LPP: variants seen among roughly 807,000 people sequenced by gnomAD.
The protein encoded by LPP is LIM domain containing preferred translocation partner in lipoma.
In LPP, 38 loss-of-function variants were observed where a neutral mutation model predicts 60.4. The ratio of observed to expected loss-of-function variants is 0.63; its 90% CI spans 0.49 to 0.83. The LOEUF (loss-of-function observed/expected upper bound fraction) is 0.83, where lower values mean the gene tolerates loss of function less well. LPP is among the 40% of genes least tolerant of loss of function. The pLI is 0.00. For missense variants in LPP, 902 were observed against 783.6 expected, an observed-to-expected ratio of 1.15 and a Z score of -1.80; for synonymous variants, 328 against 290.8, an observed-to-expected ratio of 1.13 and a Z score of -1.30.
chr3:188,261,150 C>T (rs868338414), intron 2 of LPP, among the ~76,000 whole-genome samples: 10 of 152,230 alleles, frequency 6.6e-5, no homozygotes, highest in Admixed American at 1.3e-4. Flanking sequence ...AATAATCTTA[C>T]TAGATTGTTT....
intron 5 of LPP, among the ~76,000 whole-genome samples, chr3:188,520,678 C>T (rs556580422): frequency 2.6e-5 from 4 of 152,326 alleles, no homozygotes; most frequent in African/African-American, 9.6e-5. Flanking sequence ...GCTTTTCTCA[C>T]AGGCATTGTT....
chr3:188,202,231 G>C (rs1320307033), intron 1 of LPP, among the ~76,000 whole-genome samples: 1 of 152,130 alleles, frequency 6.6e-6, no homozygotes, highest in Non-Finnish European at 1.5e-5. Flanking sequence ...GCCTCAAACT[G>C]TAGTTTACAG....
chr3:188,759,180 T>C (rs1731322909), intron 8 of LPP: 1 of 152,206 alleles, frequency 6.6e-6, no homozygotes, highest in African/African-American at 2.4e-5. Context: ...CTGACATAAC[T>C]ATTTGTCTGA....
At chr3:188,480,009 C>G (rs1338738258) in intron 4 of LPP, among the ~76,000 whole-genome samples, 3 of 152,176 alleles carry the variant, frequency 2.0e-5, no homozygotes, top group African/African-American at 4.8e-5. Flanking sequence ...TAGGTAGATG[C>G]CTTTCGTATC....
intron 7 of LPP, among the ~76,000 whole-genome samples, chr3:188,615,734 G>C (rs1238909156): frequency 2.0e-5 from 3 of 151,982 alleles, no homozygotes; most frequent in Non-Finnish European, 4.4e-5. Context: ...GAGAAAAAGA[G>C]AGCAGCATCT....
chr3:188,276,954 A>G (rs1391713089), intron 2 of LPP, among the ~76,000 whole-genome samples: 1 of 112,614 alleles, frequency 8.9e-6, no homozygotes, highest in Non-Finnish European at 1.6e-5. Flanking sequence ...CCCAGGCTGG[A>G]GTATAGTGGC....
At chr3:188,166,362 A>G (rs972137085) in intron 1 of LPP, among the ~76,000 whole-genome samples, 2 of 152,134 alleles carry the variant, frequency 1.3e-5, no homozygotes, top group African/African-American at 4.8e-5. Flanking sequence ...GTAGTGATGG[A>G]ACAACCATTT....
intron 10 of LPP, 118 bp downstream of exon 10, chr3:188,866,496 A>C: frequency 1.2e-6 from 1 of 839,466 alleles, no homozygotes; most frequent in Admixed American, 4.2e-5. Flanking sequence ...GGATTTAGTG[A>C]GGCTTTTAAA....
At chr3:188,437,867 T>C (rs971460832) in intron 4 of LPP, among the ~76,000 whole-genome samples, 6 of 152,238 alleles carry the variant, frequency 3.9e-5, no homozygotes, top group Non-Finnish European at 8.8e-5. Context: ...TACTAGCTTC[T>C]ATGAATTGGT....
At chr3:188,871,164 G>A (rs956713853) in intron 10 of LPP, among the ~76,000 whole-genome samples, 1 of 152,180 alleles carries the variant, frequency 6.6e-6, no homozygotes, top group Non-Finnish European at 1.5e-5. Flanking sequence ...GGAAATTGGA[G>A]AAGGCTTATG....
intron 4 of LPP, among the ~76,000 whole-genome samples, chr3:188,444,307 G>A (rs905343614): frequency 4.8e-5 from 7 of 146,122 alleles, no homozygotes; most frequent in Non-Finnish European, 9.0e-5. Flanking sequence ...AGGATAAGAG[G>A]TATGTATAAA....
At chr3:188,195,215 C>T (rs552908581) in intron 1 of LPP, among the ~76,000 whole-genome samples, 44 of 151,180 alleles carry the variant, frequency 2.9e-4, no homozygotes, top group African/African-American at 1.0e-3. Flanking sequence ...GCTGAGATTG[C>T]GCCATTGCAC....
chr3:188,393,172 GATTT>G (rs1049818952), intron 3 of LPP, among the ~76,000 whole-genome samples: 1 of 151,654 alleles, frequency 6.6e-6, no homozygotes, highest in African/African-American at 2.4e-5. Flanking sequence ...AAACACTCTT[GATTT>G]ATTTTTATTT....
At chr3:188,353,961 CT>C (rs59069190) in intron 3 of LPP, among the ~76,000 whole-genome samples, 7,142 of 145,120 alleles carry the variant, frequency 0.049, 242 homozygotes, top group East Asian at 0.21. Flanking sequence ...AACTAGACCA[CT>C]TTTTTTTTTT....
chr3:188,400,284 G>A (rs1281190574), intron 3 of LPP, among the ~76,000 whole-genome samples: 1 of 152,168 alleles, frequency 6.6e-6, no homozygotes, highest in Non-Finnish European at 1.5e-5. Context: ...GAAGACCGGA[G>A]ATTTGGAGTT....
chr3:188,764,024 T>TA (rs1373230332), intron 9 of LPP, among the ~76,000 whole-genome samples: 1 of 152,168 alleles, frequency 6.6e-6, no homozygotes, highest in African/African-American at 2.4e-5. Flanking sequence ...ACTAATTTAA[T>TA]AAGCACATTA....
intron 3 of LPP, among the ~76,000 whole-genome samples, chr3:188,399,937 G>T (rs1781855657): frequency 6.6e-6 from 1 of 152,210 alleles, no homozygotes; most frequent in Non-Finnish European, 1.5e-5. Context: ...CCTGAGAGAG[G>T]CTTAGTAGCT....
Position 188,879,549 on chromosome 3 carries a change from T to C in LPP, c.*5070T>C. ...GAATTTTCATCAGGGACTGAGGTCA[T>C]AGATTCTTGGAAAATTCATTTGTGA... On this transcript the variant is annotated 3_prime_UTR_variant, in exon 12 of 12. Transcript: ENST00000617246. 5.2e-6 allele frequency: 1 copy of C among 193,324 alleles called. No individual in the cohort carries two copies. Among genetic ancestry groups the C allele is most frequent in the East Asian group, 8.1e-5 (1 of 12,348 alleles). The allele number at this position is 193,324 out of a possible 1,614,324, so 12.0% of individuals were successfully genotyped here.
intron 3 of LPP, among the ~76,000 whole-genome samples, chr3:188,362,687 G>C (rs1313309327): frequency 2.0e-5 from 3 of 152,238 alleles, no homozygotes; most frequent in African/African-American, 4.8e-5. Flanking sequence ...TGTCTAGTCA[G>C]TACTTCTATG....
Sources: gnomAD v4.1 joint callset for allele counts (sites outside exome capture counted in the v4.1 genomes callset) on GRCh38, gnomAD v4.1.1 for gene constraint, MANE v1.5 for transcripts, NCBI Gene and HGNC (gene_info 2026-07-23, HGNC 2026-07-21) for gene names.